Variants in ADAM23 observed in about 807,000 individuals in gnomAD.
ADAM23 encodes ADAM metallopeptidase domain 23.
In ADAM23, 33 loss-of-function variants were observed where a neutral mutation model predicts 120.1. The observed-to-expected ratio is 0.27, with a 90% CI of 0.21 to 0.37. The LOEUF (loss-of-function observed/expected upper bound fraction) is 0.37, where lower values mean the gene tolerates loss of function less well. ADAM23 is among the 10% of genes least tolerant of loss of function. ADAM23 has a pLI of 1.00. For synonymous variants in ADAM23, 367 were observed against 375.2 expected (o/e 0.98, Z 0.25); for missense variants, 862 against 1,058.2 (o/e 0.81, Z 2.57).
At chr2:206,537,265 C>T (rs1016065029) in intron 4 of ADAM23, among the ~76,000 whole-genome samples, 1 of 152,090 alleles carries the variant, frequency 6.6e-6, no homozygotes, top group African/African-American at 2.4e-5. Flanking sequence ...AGTTCAAGCT[C>T]GCTTCTAAGA....
At chr2:206,542,656 C>T (rs191313268) in intron 5 of ADAM23, among the ~76,000 whole-genome samples, 412 of 152,240 alleles carry the variant, frequency 2.7e-3, no homozygotes, top group South Asian at 0.011. Flanking sequence ...GACTTAGTTT[C>T]GGCCATGTGA....
rs528354825 is a variant in ADAM23 at position 206,536,894 on chromosome 2, C to T, written c.574-5158C>T. Among the ~76,000 whole-genome samples the T allele has an allele frequency of 2.2e-4, 34 of 151,968 alleles. No individual in the cohort carries two copies. In the East Asian group the frequency reaches 2.9e-3, roughly 13 times the overall value. ...CTAATTTTCGTATTTTTAGTAGAGA[C>T]GGGGTGTCACCGTGTTGGCCAGGCT... On this transcript the variant is annotated intron_variant, in intron 4 of 25. Transcript: ENST00000264377.
intron 4 of ADAM23, among the ~76,000 whole-genome samples, chr2:206,532,262 A>T (rs962950733): frequency 5.3e-5 from 8 of 152,134 alleles, no homozygotes; most frequent in Non-Finnish European, 1.0e-4. Flanking sequence ...TAGACTCAGC[A>T]AACGAGCCAC....
intron 3 of ADAM23, among the ~76,000 whole-genome samples, chr2:206,508,852 A>G (rs1385741295): frequency 1.3e-5 from 2 of 152,156 alleles, no homozygotes; most frequent in Non-Finnish European, 2.9e-5. Context: ...CATCAACAAC[A>G]TAAGACTTGT....
chr2:206,456,106 A>G (rs1695293908), intron 2 of ADAM23, among the ~76,000 whole-genome samples: 1 of 152,144 alleles, frequency 6.6e-6, no homozygotes, highest in South Asian at 2.1e-4. Flanking sequence ...AGACTAGGTA[A>G]TTTATGAAGA....
At chr2:206,492,300 A>T (rs770577573) in intron 3 of ADAM23, among the ~76,000 whole-genome samples, 5 of 152,168 alleles carry the variant, frequency 3.3e-5, no homozygotes, top group Non-Finnish European at 5.9e-5. Context: ...AGGGGGAGAG[A>T]GTGTGGAGGC....
rs1475863531 is a variant in ADAM23, at chr2:206,596,035, T to TCC, written c.2248-15_2248-14dup. ...AATACAGTGAAAATGCCATATCTGT[T>TCC]CCTTTTTCTTCACAGGTGTGTAGTA... On this transcript the variant is annotated splice_polypyrimidine_tract_variant and intron_variant, in intron 23 of 25. Transcript: ENST00000264377. 6.3e-7 allele frequency: 1 copy of TCC among 1,592,690 alleles called. No homozygotes were observed. The highest frequency in any genetic ancestry group is 1.3e-5 in the African/African-American group (1 of 74,624).
At chr2:206,489,816 T>G (rs1696093351) in intron 3 of ADAM23, among the ~76,000 whole-genome samples, 1 of 152,208 alleles carries the variant, frequency 6.6e-6, no homozygotes, top group Admixed American at 6.5e-5. Context: ...AACCTAATTC[T>G]GATGATTGCA....
chr2:206,604,449 T>C (rs1222876836), intron 24 of ADAM23, among the ~76,000 whole-genome samples: 2 of 152,094 alleles, frequency 1.3e-5, no homozygotes, highest in Non-Finnish European at 2.9e-5. Context: ...TGAGTTCTAA[T>C]GTATTGTCAT....
At chr2:206,588,884 G>A (rs1190015812) in intron 20 of ADAM23, among the ~76,000 whole-genome samples, 7 of 152,188 alleles carry the variant, frequency 4.6e-5, no homozygotes, top group African/African-American at 1.7e-4. Flanking sequence ...TTTACATTCA[G>A]TGCTTTAGTT....
chr2:206,503,440 A>G (rs1280297600), intron 3 of ADAM23, among the ~76,000 whole-genome samples: 4 of 152,168 alleles, frequency 2.6e-5, no homozygotes, highest in African/African-American at 9.7e-5. Flanking sequence ...CACAAGGTAG[A>G]GGGTCAGTCA....
At chr2:206,533,312 C>T (rs1697106644) in intron 4 of ADAM23, among the ~76,000 whole-genome samples, 1 of 152,128 alleles carries the variant, frequency 6.6e-6, no homozygotes, top group African/African-American at 2.4e-5. Flanking sequence ...AGCGATTCTC[C>T]TGCCTCAGTC....
rs756988710 is a variant in ADAM23, at chr2:206,542,032, C to G, written c.574-20C>G. The G allele has an allele frequency of 6.2e-7, 1 of 1,613,110 alleles. No individual in the cohort carries two copies. Among genetic ancestry groups the G allele is most frequent in the South Asian group, 1.1e-5 (1 of 91,042 alleles). On this transcript the variant is annotated intron_variant, in intron 4 of 25. Transcript: ENST00000264377. ...TCATAATGCATAAAATACAACCAATCAATGAAACCTGCTTTCCAGGGTGGA... is the reference window on the plus strand; with the variant it reads ...TCATAATGCATAAAATACAACCAATGAATGAAACCTGCTTTCCAGGGTGGA...
At chr2:206,545,082 C>A (rs780339984) in intron 6 of ADAM23, among the ~76,000 whole-genome samples, 1 of 152,064 alleles carries the variant, frequency 6.6e-6, no homozygotes, top group Non-Finnish European at 1.5e-5. Flanking sequence ...GAAGTCAGAT[C>A]AGTGAAAAGA....
chr2:206,508,669 A>G lies in ADAM23; in HGVS notation c.510-22216A>G, dbSNP rs866801831. ...GACTCTGTCTCCAAAAAAAAAAAAA[A>G]AAAGAAAGAAAAAGAAGAAAGAAAA... On this transcript the variant is annotated intron_variant, in intron 3 of 25. Coordinates refer to ENST00000264377, the MANE Select transcript of ADAM23 (RefSeq NM_003812.4). Among the ~76,000 whole-genome samples, 991 of 150,922 alleles carry G rather than the reference A, an allele frequency of 6.6e-3. 10 individuals carry two copies. The highest frequency in any genetic ancestry group is 0.023 in the African/African-American group (946 of 41,222).
In ADAM23 at chr2:206,582,580, C is replaced by T. The variant is rs182327819; in HGVS notation, c.1738-4745C>T. Among the ~76,000 whole-genome samples, 365 of 152,214 alleles carry T rather than the reference C, an allele frequency of 2.4e-3. 5 individuals carry two copies. Among genetic ancestry groups the T allele is most frequent in the African/African-American group, 8.3e-3 (345 of 41,540 alleles). On this transcript the variant is annotated intron_variant, in intron 18 of 25. Transcript: ENST00000264377. The stretch of plus-strand genomic sequence containing the variant: ...GAGGTACCATTGCTTTCATCATGCT[C>T]TTTGTTGCCTGTGTGCTTTGGTTTT...
intron 3 of ADAM23, among the ~76,000 whole-genome samples, chr2:206,520,824 C>G (rs928395007): frequency 1.3e-5 from 2 of 152,046 alleles, no homozygotes; most frequent in Non-Finnish European, 2.9e-5. Context: ...AGTTCCCTTT[C>G]CTTTGAAAGT....
In ADAM23 at chr2:206,468,503, A is replaced by G. The variant is rs929104947; in HGVS notation, c.433-12729A>G. Reference sequence around the variant, plus strand: ...AAAGTGACCTTTGCTATAGTTCCCAATAAGTTCCTCTTCTCCATCTGAGAC... The same window carrying G: ...AAAGTGACCTTTGCTATAGTTCCCAGTAAGTTCCTCTTCTCCATCTGAGAC... On this transcript the variant is annotated intron_variant, in intron 2 of 25. Coordinates refer to ENST00000264377, the MANE Select transcript of ADAM23 (RefSeq NM_003812.4). Among the ~76,000 whole-genome samples, 8 of 152,284 alleles carry G rather than the reference A, an allele frequency of 5.3e-5. 1 individual carries two copies. The highest frequency in any genetic ancestry group is 6.8e-3 in the Middle Eastern group (2 of 294).
chr2:206,607,476 G>A (rs1698750065), intron 24 of ADAM23, among the ~76,000 whole-genome samples: 1 of 152,160 alleles, frequency 6.6e-6, no homozygotes, highest in African/African-American at 2.4e-5. Flanking sequence ...GTCCTTAAAT[G>A]TACTAATTGA....
Sources: gnomAD v4.1 joint callset for allele counts (sites outside exome capture counted in the v4.1 genomes callset) on GRCh38, gnomAD v4.1.1 for gene constraint, MANE v1.5 for transcripts, NCBI Gene and HGNC (gene_info 2026-07-23, HGNC 2026-07-21) for gene names.